SCG3: variants seen among roughly 807,000 people sequenced by gnomAD.
SCG3 encodes secretogranin-3.
Under a neutral mutation model 56.2 loss-of-function variants are expected in SCG3, and 38 were observed. The observed-to-expected ratio is 0.68, with a 90% CI of 0.52 to 0.89. The LOEUF is 0.89. SCG3 is among the 40% of genes least tolerant of loss of function. The probability of loss-of-function intolerance (pLI) is 0.00; values close to 1 mark genes in which losing one functional copy is unlikely to be tolerated. For missense variants in SCG3, 524 were observed against 540.7 expected (o/e 0.97, Z 0.31); for synonymous variants, 176 against 184.2 (o/e 0.96, Z 0.36).
intron 10 of SCG3, among the ~76,000 whole-genome samples, chr15:51,702,720 T>A (rs2055347491): frequency 6.6e-6 from 1 of 152,228 alleles, no homozygotes; most frequent in Admixed American, 6.5e-5. Context: ...GCTAGTTACA[T>A]CATGGAAATT....
At chr15:51,710,182 G>A (rs1235732727) in intron 10 of SCG3, among the ~76,000 whole-genome samples, 1 of 152,060 alleles carries the variant, frequency 6.6e-6, no homozygotes, top group East Asian at 1.9e-4. Context: ...CTCTCTGTCA[G>A]TCTTGTTCTA....
intron 10 of SCG3, among the ~76,000 whole-genome samples, chr15:51,702,925 T>C (rs999192771): frequency 2.0e-5 from 3 of 152,198 alleles, no homozygotes; most frequent in Admixed American, 2.0e-4. Flanking sequence ...TACTTCAGCC[T>C]GGGTGACACA....
intron 10 of SCG3, among the ~76,000 whole-genome samples, chr15:51,709,578 T>C (rs1035677273): frequency 6.8e-6 from 1 of 147,126 alleles, no homozygotes; most frequent in Non-Finnish European, 1.5e-5. Context: ...TAGCTATCAT[T>C]TAGGTTTAGA....
chr15:51,689,492 AT>A, intron 6 of SCG3, 124 bp downstream of exon 6: 3 of 1,233,660 alleles, frequency 2.4e-6, no homozygotes, highest in Non-Finnish European at 3.3e-6. Context: ...GGTATGTGGC[AT>A]TTTTAGCCCA....
At chr15:51,701,060 A>G (rs1189816485) in intron 9 of SCG3, 47 bp from the exon 10 acceptor site, 1 of 1,602,214 alleles carries the variant, frequency 6.2e-7, no homozygotes, top group Non-Finnish European at 8.5e-7. Flanking sequence ...GAACCAATTA[A>G]TAGATAGGAA....
chr15:51,714,910 T>C (rs1198842447), intron 11 of SCG3, among the ~76,000 whole-genome samples: 1 of 152,218 alleles, frequency 6.6e-6, no homozygotes, highest in Non-Finnish European at 1.5e-5. Context: ...CTGTCATTGA[T>C]TAAAAATGCA....
In SCG3 at chr15:51,720,243, A is replaced by C. The variant is rs1277434961; in HGVS notation, c.*717A>C. On this transcript the variant is annotated 3_prime_UTR_variant, in exon 12 of 12. Coordinates refer to ENST00000220478, the MANE Select transcript of SCG3 (RefSeq NM_013243.4). ...GAGGTCATAAACACTGCATAAAGCA[A>C]GGCAAAAATGTATGCCACATCTCAG... is the stretch of plus-strand genomic sequence containing the variant. 6.6e-6 allele frequency: 1 copy of C among 152,288 alleles called. No individual in the cohort carries two copies. Among genetic ancestry groups the C allele is most frequent in the Non-Finnish European group, 1.5e-5 (1 of 68,056 alleles). The allele number at this position is 152,288 out of a possible 1,614,324, so 9.4% of individuals were successfully genotyped here. A position where few individuals can be genotyped will look rare whatever the true frequency, so the allele number is the denominator to read the frequency against.
chr15:51,683,514 A>G (rs1264117205), intron 4 of SCG3, 80 bp downstream of exon 4: 1 of 898,948 alleles, frequency 1.1e-6, no homozygotes, highest in Non-Finnish European at 1.7e-6. Flanking sequence ...TTTTAAAAAT[A>G]TCTTTTAAAC....
rs2305709 is a variant in SCG3, at chr15:51,683,388, C to T, written c.351C>T (p.Ile117=). 23 of 1,613,186 alleles carry T rather than the reference C, an allele frequency of 1.4e-5. No individual in the cohort carries two copies. The highest frequency in any genetic ancestry group is 4.5e-5 in the East Asian group (2 of 44,822). Residue 117 remains isoleucine, a synonymous_variant, in exon 4 of 12, where the codon ATC becomes ATT. Transcript: ENST00000220478. The part of the protein sequence containing the change: ...DVDSTKNRKL[I]DDYDSTKSGL... Reference sequence around the variant, plus strand: ...ATTCAACCAAGAATCGAAAACTGATCGATGATTATGACTCTACTAAGAGTG... The same window carrying T: ...ATTCAACCAAGAATCGAAAACTGATTGATGATTATGACTCTACTAAGAGTG...
At chr15:51,711,751 C>T (rs941567235) in intron 10 of SCG3, among the ~76,000 whole-genome samples, 2 of 152,186 alleles carry the variant, frequency 1.3e-5, no homozygotes, top group African/African-American at 4.8e-5. Flanking sequence ...TCCCAGACTG[C>T]TGAAATCAAG....
chr15:51,692,419 TCA>T, intron 7 of SCG3, 83 bp downstream of exon 7: 1 of 1,309,124 alleles, frequency 7.6e-7, no homozygotes, highest in Non-Finnish European at 1.0e-6. Flanking sequence ...CTTCCTGTTT[TCA>T]GTTTCCAAAT....
At chr15:51,691,267 G>A (rs904453536) in intron 6 of SCG3, among the ~76,000 whole-genome samples, 2 of 152,184 alleles carry the variant, frequency 1.3e-5, no homozygotes, top group Non-Finnish European at 2.9e-5. Context: ...ACCATGCAGC[G>A]CCTTATGAGC....
At chr15:51,716,001 G>T (rs1054777904) in intron 11 of SCG3, among the ~76,000 whole-genome samples, 1 of 152,098 alleles carries the variant, frequency 6.6e-6, no homozygotes, top group Non-Finnish European at 1.5e-5. Context: ...GGGACTACAG[G>T]CACCCGCCAC....
At chr15:51,696,103 A>C in intron 8 of SCG3, 112 bp downstream of exon 8, 1 of 731,726 alleles carries the variant, frequency 1.4e-6, no homozygotes, top group Non-Finnish European at 2.4e-6. Context: ...AAAGCTTTCC[A>C]AATCACCAAG....
intron 11 of SCG3, 36 bp from the exon 12 acceptor site, chr15:51,719,372 G>C: frequency 6.7e-7 from 1 of 1,495,420 alleles, no homozygotes. Flanking sequence ...GGCCTTTCCT[G>C]ATCTTTGCTC....
intron 6 of SCG3, among the ~76,000 whole-genome samples, chr15:51,690,208 T>A (rs1340768021): frequency 6.6e-6 from 1 of 152,188 alleles, no homozygotes; most frequent in Non-Finnish European, 1.5e-5. Context: ...CCCCTTTTCA[T>A]TGGTTTAGAT....
intron 7 of SCG3, 45 bp from the exon 8 acceptor site, chr15:51,695,830 G>A: frequency 1.0e-6 from 1 of 997,450 alleles, no homozygotes; most frequent in Non-Finnish European, 1.6e-6. Context: ...ATTGAAAGAG[G>A]AAGCTATCCC....
rs1379347377 is a variant in SCG3 at position 51,720,900 on chromosome 15, C to T, written c.*1374C>T. On this transcript the variant is annotated 3_prime_UTR_variant, in exon 12 of 12. Transcript: ENST00000220478. ...GCACTCTGATAGGGCAAAAACGGAA[C>T]ATGGGAGGGGACAAATAAGGGAATA... The T allele has an allele frequency of 5.8e-6, 1 of 171,880 alleles. No individual in the cohort carries two copies. The highest frequency in any genetic ancestry group is 1.2e-5 in the Non-Finnish European group (1 of 83,928). 10.6% of individuals were successfully genotyped at this position (171,880 alleles called of 1,614,324 possible).
chr15:51,688,444 T>C, intron 5 of SCG3, 42 bp downstream of exon 5: 1 of 1,582,866 alleles, frequency 6.3e-7, no homozygotes, highest in South Asian at 1.1e-5. Flanking sequence ...CCTAGTGCAG[T>C]TTAGAGTATG....
Sources: gnomAD v4.1 joint callset for allele counts (sites outside exome capture counted in the v4.1 genomes callset) on GRCh38, gnomAD v4.1.1 for gene constraint, MANE v1.5 for transcripts, NCBI Gene and HGNC (gene_info 2026-07-23, HGNC 2026-07-21) for gene names.